The following FBXL7 variants were observed in gnomAD, a reference collection of about 807,000 sequenced individuals.
The protein encoded by FBXL7 is F-box and leucine rich repeat protein 7, also known as F-box/LRR-repeat protein 7.
Under a neutral mutation model 38.3 loss-of-function variants are expected in FBXL7, and 12 were observed. That is an observed-to-expected ratio of 0.31 (90% CI 0.20 to 0.51). The LOEUF (loss-of-function observed/expected upper bound fraction) is 0.51, where lower values mean the gene tolerates loss of function less well. Among genes scored for constraint, FBXL7 ranks in the 20% least tolerant of loss-of-function variants. The probability of loss-of-function intolerance (pLI) is 0.98; values close to 1 mark genes in which losing one functional copy is unlikely to be tolerated. For missense variants in FBXL7, 567 were observed against 676.4 expected (o/e 0.84, Z 1.79); for synonymous variants, 297 against 300.9 (o/e 0.99, Z 0.13).
intron 1 of FBXL7, among the ~76,000 whole-genome samples, chr5:15,567,602 A>G (rs539707736): frequency 6.6e-6 from 1 of 151,028 alleles, no homozygotes; most frequent in South Asian, 2.1e-4. Flanking sequence ...ATATATATAT[A>G]TTTTTTATTA....
intron 2 of FBXL7, among the ~76,000 whole-genome samples, chr5:15,779,174 G>T (rs10051629): frequency 1.3e-5 from 2 of 151,762 alleles, no homozygotes; most frequent in Admixed American, 1.3e-4. Flanking sequence ...TCAGAATGGT[G>T]GTTACCAGAG....
intron 2 of FBXL7, among the ~76,000 whole-genome samples, chr5:15,636,941 G>T (rs901169217): frequency 3.4e-5 from 5 of 146,882 alleles, no homozygotes; most frequent in Non-Finnish European, 7.5e-5. Flanking sequence ...AGGATGAAAG[G>T]AGAAAGAAGC....
intron 2 of FBXL7, among the ~76,000 whole-genome samples, chr5:15,914,257 G>A (rs1741522813): frequency 6.6e-6 from 1 of 151,948 alleles, no homozygotes; most frequent in African/African-American, 2.4e-5. Flanking sequence ...GTGGTGGCGG[G>A]TGCCTGTAGT....
intron 2 of FBXL7, among the ~76,000 whole-genome samples, chr5:15,737,115 C>A (rs551095897): frequency 6.6e-6 from 1 of 152,118 alleles, no homozygotes; most frequent in Non-Finnish European, 1.5e-5. Flanking sequence ...GAGCCCCAGC[C>A]CCCTCATTCC....
intron 2 of FBXL7, among the ~76,000 whole-genome samples, chr5:15,770,109 G>T (rs1232619484): frequency 6.6e-6 from 1 of 152,176 alleles, no homozygotes; most frequent in Non-Finnish European, 1.5e-5. Flanking sequence ...TCTGTTGATT[G>T]ACGGAGGGAG....
intron 2 of FBXL7, among the ~76,000 whole-genome samples, chr5:15,706,312 C>T (rs560634250): frequency 6.6e-6 from 1 of 152,288 alleles, no homozygotes; most frequent in East Asian, 1.9e-4. Context: ...CACCAACTCT[C>T]TCTTGCTCCC....
chr5:15,515,604 A>G (rs183146245), intron 1 of FBXL7, among the ~76,000 whole-genome samples: 1 of 152,122 alleles, frequency 6.6e-6, no homozygotes, highest in Non-Finnish European at 1.5e-5. Context: ...TATTCAGTAG[A>G]ATACTGAAGA....
intron 2 of FBXL7, among the ~76,000 whole-genome samples, chr5:15,634,665 C>G (rs1741126373): frequency 6.6e-6 from 1 of 152,170 alleles, no homozygotes; most frequent in Non-Finnish European, 1.5e-5. Context: ...TGATGGCTAA[C>G]TTAGTGTCTT....
At chr5:15,614,269 CTTTTCTTTTT>C (rs1220267432) in intron 1 of FBXL7, among the ~76,000 whole-genome samples, 8 of 147,502 alleles carry the variant, frequency 5.4e-5, no homozygotes, top group Non-Finnish European at 9.0e-5. Context: ...CTTTTCTTTT[CTTTTCTTTTT>C]TTTTTTTTGA....
At chr5:15,814,219 C>A (rs1737945801) in intron 2 of FBXL7, among the ~76,000 whole-genome samples, 1 of 152,126 alleles carries the variant, frequency 6.6e-6, no homozygotes, top group South Asian at 2.1e-4. Flanking sequence ...AAATGTGGCA[C>A]ATATACACCA....
chr5:15,807,114 G>A (rs1737735441), intron 2 of FBXL7, among the ~76,000 whole-genome samples: 1 of 152,044 alleles, frequency 6.6e-6, no homozygotes, highest in African/African-American at 2.4e-5. Flanking sequence ...ACCACGCCTG[G>A]CTAATATCTG....
intron 2 of FBXL7, among the ~76,000 whole-genome samples, chr5:15,715,301 G>T (rs910598537): frequency 6.6e-6 from 1 of 151,914 alleles, no homozygotes; most frequent in South Asian, 2.1e-4. Flanking sequence ...GACCATTCTG[G>T]CCAACATGGT....
chr5:15,721,465 C>G (rs2126652638), intron 2 of FBXL7, among the ~76,000 whole-genome samples: 1 of 152,180 alleles, frequency 6.6e-6, no homozygotes, highest in African/African-American at 2.4e-5. Context: ...AAAGTTTAGT[C>G]TTTGTGGGGC....
At chr5:15,565,749 G>T (rs1738551013) in intron 1 of FBXL7, among the ~76,000 whole-genome samples, 1 of 152,100 alleles carries the variant, frequency 6.6e-6, no homozygotes, top group South Asian at 2.1e-4. Flanking sequence ...AAGTGTGAAG[G>T]CATGAAAGAA....
At chr5:15,934,067 C>T (rs892001272) in intron 3 of FBXL7, among the ~76,000 whole-genome samples, 28 of 152,024 alleles carry the variant, frequency 1.8e-4, no homozygotes, top group Admixed American at 1.4e-3. Context: ...TGCAGTGGTG[C>T]GCTCCAGATT....
intron 2 of FBXL7, among the ~76,000 whole-genome samples, chr5:15,905,571 C>G (rs1238518106): frequency 6.6e-6 from 1 of 150,820 alleles, no homozygotes; most frequent in African/African-American, 2.4e-5. Context: ...ACTAATTTAA[C>G]AGAGAGATAT....
At chr5:15,741,259 A>G (rs1735886296) in intron 2 of FBXL7, among the ~76,000 whole-genome samples, 1 of 152,224 alleles carries the variant, frequency 6.6e-6, no homozygotes, top group African/African-American at 2.4e-5. Flanking sequence ...TCACAGTCAC[A>G]TAGACACACT....
chr5:15,546,250 T>G (rs1002040615), intron 1 of FBXL7, among the ~76,000 whole-genome samples: 9 of 151,274 alleles, frequency 5.9e-5, no homozygotes, highest in Non-Finnish European at 1.0e-4. Context: ...GCCAACATGG[T>G]GAAACCCCAT....
intron 1 of FBXL7, among the ~76,000 whole-genome samples, chr5:15,604,923 C>T (rs900853479): frequency 2.0e-5 from 3 of 152,048 alleles, no homozygotes; most frequent in Non-Finnish European, 4.4e-5. Context: ...TGAAGAGGGG[C>T]GCTTTGCAGC....
Sources: gnomAD v4.1 joint callset for allele counts (sites outside exome capture counted in the v4.1 genomes callset) on GRCh38, gnomAD v4.1.1 for gene constraint, MANE v1.5 for transcripts, NCBI Gene and HGNC (gene_info 2026-07-23, HGNC 2026-07-21) for gene names.